SCN8A: variants seen among roughly 807,000 people sequenced by gnomAD.
SCN8A encodes sodium voltage-gated channel alpha subunit 8.
A neutral mutation model predicts 184.1 loss-of-function variants in SCN8A; 30 were observed. The observed-to-expected ratio is 0.16, with a 90% CI of 0.12 to 0.22. The LOEUF (loss-of-function observed/expected upper bound fraction) is 0.22. Ranked by LOEUF, SCN8A falls within the 10% of genes least tolerant of loss-of-function variation. SCN8A has a pLI of 1.00. For synonymous variants in SCN8A, 852 were observed against 907.0 expected, an observed-to-expected ratio of 0.94 and a Z score of 1.09; for missense variants, 1,057 against 2,498.9, an observed-to-expected ratio of 0.42 and a Z score of 12.30.
rs556795283 is a variant in SCN8A at position 51,779,683 on chromosome 12, T to C, written c.3820-966T>C. On this transcript the variant is annotated intron_variant, in intron 20 of 26. Coordinates refer to ENST00000627620, the MANE Select transcript of SCN8A (RefSeq NM_001330260.2). ...GCAAATTCTTGTGTACGGGTCTCAA[T>C]TTCCTCATCTATCAAATTTTGTTTT... Among the ~76,000 whole-genome samples the C allele has an allele frequency of 2.0e-5, 3 of 152,346 alleles. No homozygotes were observed. In the East Asian group the frequency reaches 5.8e-4, roughly 29 times the overall value.
At chr12:51,797,087 C>A (rs970703612) in intron 26 of SCN8A, among the ~76,000 whole-genome samples, 2 of 152,198 alleles carry the variant, frequency 1.3e-5, no homozygotes, top group African/African-American at 4.8e-5. Flanking sequence ...TCAGTCCAAT[C>A]AAATTGACAC....
intron 2 of SCN8A, among the ~76,000 whole-genome samples, chr12:51,670,581 T>C (rs1312354596): frequency 2.0e-5 from 3 of 152,064 alleles, no homozygotes; most frequent in Non-Finnish European, 4.4e-5. Flanking sequence ...TGAGAAGCAG[T>C]AGAGAACTAC....
At chr12:51,702,944 A>G (rs891993917) in intron 9 of SCN8A, 30 bp downstream of exon 9, 2 of 1,565,200 alleles carry the variant, frequency 1.3e-6, no homozygotes, top group Non-Finnish European at 1.7e-6. Flanking sequence ...CTTTGGCCAT[A>G]GAGTTTGCAT....
Position 51,794,366 on chromosome 12 carries a change from C to T in SCN8A, c.4525-5C>T, listed in dbSNP as rs368777404. On this transcript the variant is annotated splice_polypyrimidine_tract_variant and splice_region_variant and intron_variant, in intron 25 of 26. Coordinates refer to ENST00000627620, the MANE Select transcript of SCN8A (RefSeq NM_001330260.2). Reference sequence around the variant, plus strand: ...CTTTTATCTTTTCCTTCCCTTCCTCCCCAGAACAAAATCCAAGGAATCGTC... The same window carrying T: ...CTTTTATCTTTTCCTTCCCTTCCTCTCCAGAACAAAATCCAAGGAATCGTC... 6.2e-7 allele frequency: 1 copy of T among 1,606,974 alleles called. No homozygotes were observed. Among genetic ancestry groups the T allele is most frequent in the Non-Finnish European group, 8.5e-7 (1 of 1,174,926 alleles).
At chr12:51,658,946 T>C (rs1022614426) in intron 1 of SCN8A, among the ~76,000 whole-genome samples, 10 of 152,270 alleles carry the variant, frequency 6.6e-5, no homozygotes, top group African/African-American at 2.4e-4. Context: ...TTACTAAAGC[T>C]AAATATCTGC....
At chr12:51,711,508 G>A (rs750418283) in intron 11 of SCN8A, among the ~76,000 whole-genome samples, 12 of 152,166 alleles carry the variant, frequency 7.9e-5, no homozygotes, top group Admixed American at 3.9e-4. Flanking sequence ...GTTATAGAAG[G>A]TTATATAACT....
At chr12:51,799,970 G>A (rs1186658961) in intron 26 of SCN8A, among the ~76,000 whole-genome samples, 1 of 152,226 alleles carries the variant, frequency 6.6e-6, no homozygotes, top group Non-Finnish European at 1.5e-5. Flanking sequence ...TAAGTCCAGT[G>A]TGTTTGCTAC....
At chr12:51,800,941 A>T (rs1281418430) in intron 26 of SCN8A, among the ~76,000 whole-genome samples, 2 of 152,162 alleles carry the variant, frequency 1.3e-5, no homozygotes, top group African/African-American at 2.4e-5. Context: ...ATTCAAGGGG[A>T]ATATTATTCT....
intron 1 of SCN8A, among the ~76,000 whole-genome samples, chr12:51,642,078 G>A (rs10747617): frequency 0.78 from 118,024 of 152,120 alleles, 46,712 homozygotes; most frequent in East Asian, 0.86. Context: ...ATGCTCTGCA[G>A]CGTCAGCCAC....
chr12:51,606,196 A>T (rs1231479928), intron 1 of SCN8A, among the ~76,000 whole-genome samples: 1 of 152,168 alleles, frequency 6.6e-6, no homozygotes, highest in Middle Eastern at 3.2e-3. Context: ...TTTCATTGTT[A>T]TCTTCTAGAA....
At chr12:51,648,151 C>T (rs1940632278) in intron 1 of SCN8A, among the ~76,000 whole-genome samples, 1 of 152,138 alleles carries the variant, frequency 6.6e-6, no homozygotes, top group South Asian at 2.1e-4. Context: ...TTTTTCATAA[C>T]CTTTAGATGC....
At chr12:51,703,099 TCA>T (rs372007457) in intron 9 of SCN8A, among the ~76,000 whole-genome samples, 185 bp downstream of exon 9, 10 of 152,346 alleles carry the variant, frequency 6.6e-5, no homozygotes, top group African/African-American at 2.4e-4. Flanking sequence ...TCTCGAATGC[TCA>T]GTCATGTATA....
chr12:51,605,581 A>G (rs1939571637), intron 1 of SCN8A, among the ~76,000 whole-genome samples: 1 of 152,160 alleles, frequency 6.6e-6, no homozygotes, highest in African/African-American at 2.4e-5. Flanking sequence ...TTTTCATATA[A>G]TGACTTCTTT....
chr12:51,807,582 G>C lies in SCN8A; in HGVS notation c.*153G>C. 1 of 809,866 alleles carries C rather than the reference G, an allele frequency of 1.2e-6. No homozygotes were observed. Among genetic ancestry groups the C allele is most frequent in the Non-Finnish European group, 2.0e-6 (1 of 508,528 alleles). 50.2% of individuals were successfully genotyped at this position (809,866 alleles called of 1,614,324 possible). ...CGTCTGCTTACCACGTAACACAGCTGCATCTTGAGCAGTGACCTGCCAAGG... is the reference window on the plus strand; with the variant it reads ...CGTCTGCTTACCACGTAACACAGCTCCATCTTGAGCAGTGACCTGCCAAGG... On this transcript the variant is annotated 3_prime_UTR_variant, in exon 27 of 27. Transcript: ENST00000627620. This position sits in a 1 kb window ranked among gnomAD's most constrained non-coding sequence, Gnocchi z 4.5.
chr12:51,616,285 T>C (rs957387101), intron 1 of SCN8A, among the ~76,000 whole-genome samples: 9 of 152,214 alleles, frequency 5.9e-5, no homozygotes, highest in Non-Finnish European at 1.3e-4. Context: ...TCACTAGATA[T>C]ACAATTCTGG....
chr12:51,788,549 A>G (rs1938154151), intron 22 of SCN8A, 146 bp from the exon 23 acceptor site: 1 of 459,232 alleles, frequency 2.2e-6, no homozygotes, highest in African/African-American at 2.0e-5. Flanking sequence ...GTAGTAACAA[A>G]CAGAAAATTC....
intron 1 of SCN8A, among the ~76,000 whole-genome samples, chr12:51,605,302 C>T (rs1939564547): frequency 6.6e-6 from 1 of 152,154 alleles, no homozygotes; most frequent in African/African-American, 2.4e-5. Flanking sequence ...TAGGCCTTTT[C>T]ATCCTCATAG....
At chr12:51,776,230 G>C (rs1483334053) in intron 20 of SCN8A, among the ~76,000 whole-genome samples, 3 of 152,296 alleles carry the variant, frequency 2.0e-5, no homozygotes, top group African/African-American at 7.2e-5. Context: ...GCCTCCCAAA[G>C]TGTTGGGTTT....
chr12:51,774,415 G>A, intron 20 of SCN8A, 53 bp downstream of exon 20: 2 of 1,528,778 alleles, frequency 1.3e-6, no homozygotes, highest in Non-Finnish European at 1.8e-6. Flanking sequence ...CACAGAAACA[G>A]GGGTCTCTCT....
Sources: gnomAD v4.1 joint callset for allele counts (sites outside exome capture counted in the v4.1 genomes callset) on GRCh38, gnomAD v4.1.1 for gene constraint, Gnocchi (gnomAD v3.1) non-coding constraint, MANE v1.5 for transcripts, NCBI Gene and HGNC (gene_info 2026-07-23, HGNC 2026-07-21) for gene names.